The following GADL1 variants were observed in gnomAD, a reference collection of about 807,000 sequenced individuals.
GADL1 encodes acidic amino acid decarboxylase GADL1.
GADL1 carries 71 observed loss-of-function variants against 69.5 expected under a neutral mutation model. The ratio of observed to expected loss-of-function variants is 1.02; its 90% CI spans 0.84 to 1.25. The LOEUF (loss-of-function observed/expected upper bound fraction) is 1.25, where lower values mean the gene tolerates loss of function less well. Ranked by LOEUF, GADL1 falls within the 50% of genes most tolerant of loss-of-function variation. The pLI is 0.00. For synonymous variants in GADL1, 254 were observed against 214.4 expected (o/e 1.18, Z -1.62); for missense variants, 737 against 631.8 (o/e 1.17, Z -1.79).
intron 12 of GADL1, among the ~76,000 whole-genome samples, chr3:30,797,063 C>T (rs1258651878): frequency 2.0e-5 from 3 of 152,160 alleles, no homozygotes; most frequent in South Asian, 2.1e-4. Context: ...AGTATTATAA[C>T]GCAATCAGCT....
At position 30,786,366 on chromosome 3, in the gene GADL1, A is replaced by G; in HGVS notation, c.1291T>C (p.Leu431=). The change falls in exon 13 of 15, where the codon TTA becomes CTA. Residue 431 remains leucine (L), a synonymous_variant. Coordinates refer to ENST00000282538, the MANE Select transcript of GADL1 (RefSeq NM_207359.3). ...DEIKKREGFK[L]LMEPEYANIC... ...ATGCAATCACTTACTTCCATCAGTA[A>G]CTTGAATCCTTCTCTTTTCTTGATT... 6.4e-7 allele frequency: 1 copy of G among 1,561,578 alleles called. No individual in the cohort carries two copies. The highest frequency in any genetic ancestry group is 2.3e-5 in the East Asian group (1 of 44,394).
intron 1 of GADL1, among the ~76,000 whole-genome samples, chr3:30,868,522 G>A (rs1209144426): frequency 2.7e-5 from 4 of 150,454 alleles, no homozygotes; most frequent in Non-Finnish European, 4.4e-5. Flanking sequence ...TGTGTGATCC[G>A]TATTTCTTTT....
At chr3:30,757,712 A>C (rs963496880) in intron 14 of GADL1, among the ~76,000 whole-genome samples, 6 of 152,142 alleles carry the variant, frequency 3.9e-5, no homozygotes, top group East Asian at 3.9e-4. Flanking sequence ...CAGATTCACA[A>C]AATCACAAGA....
In GADL1 at chr3:30,846,869, C is replaced by T. The variant is rs534157843; in HGVS notation, c.652-2403G>A. Among the ~76,000 whole-genome samples, 8 of 152,234 alleles carry T rather than the reference C, an allele frequency of 5.3e-5. No homozygotes were observed. The South Asian group carries it at 1.7e-3, about 32-fold the overall frequency. The stretch of plus-strand genomic sequence containing the variant: ...CAATCAGGAGGAAGAGAAAGAGGCA[C>T]CTAGAGTGCAAAATTTAGAGGCATG... On this transcript the variant is annotated intron_variant, in intron 6 of 14. Transcript: ENST00000282538.
Position 30,786,423 on chromosome 3 carries a change from CAAT to C in GADL1, c.1251-20_1251-18del, listed in dbSNP as rs1447241709. The C allele has an allele frequency of 2.4e-6, 3 of 1,265,716 alleles. No individual in the cohort carries two copies. Among genetic ancestry groups the C allele is most frequent in the Non-Finnish European group, 3.5e-6 (3 of 868,004 alleles). The allele number at this position is 1,265,716 out of a possible 1,614,324, so 78.4% of individuals were successfully genotyped here. On this transcript the variant is annotated intron_variant, in intron 12 of 14. Coordinates refer to ENST00000282538, the MANE Select transcript of GADL1 (RefSeq NM_207359.3). ...ACTAGGTACCTAAAATTAAAAGTCA[CAAT>C]AATATTTATAATCTGCAATGTAAAA...
At chr3:30,878,592 A>G (rs529894749) in intron 1 of GADL1, among the ~76,000 whole-genome samples, 7 of 151,888 alleles carry the variant, frequency 4.6e-5, no homozygotes, top group Non-Finnish European at 8.8e-5. Context: ...TAACTTATCT[A>G]CTGAGACTTA....
At chr3:30,817,879 G>A (rs1697501503) in intron 11 of GADL1, among the ~76,000 whole-genome samples, 1 of 152,210 alleles carries the variant, frequency 6.6e-6, no homozygotes, top group Non-Finnish European at 1.5e-5. Flanking sequence ...AATGTACTGG[G>A]AAGACAGACA....
At chr3:30,773,687 C>T (rs764821397) in intron 14 of GADL1, among the ~76,000 whole-genome samples, 1 of 152,112 alleles carries the variant, frequency 6.6e-6, no homozygotes, top group Non-Finnish European at 1.5e-5. Flanking sequence ...ATTTAGCCAG[C>T]TCTTTATAGT....
chr3:30,779,332 C>G (rs539385003), intron 13 of GADL1, among the ~76,000 whole-genome samples: 3 of 152,316 alleles, frequency 2.0e-5, no homozygotes, highest in Admixed American at 6.5e-5. Flanking sequence ...CTGCCATAAA[C>G]AGTTTGTAAT....
intron 14 of GADL1, among the ~76,000 whole-genome samples, chr3:30,767,254 TA>T (rs1485132514): frequency 1.3e-5 from 2 of 152,178 alleles, no homozygotes; most frequent in African/African-American, 4.8e-5. Context: ...TAAGAATATT[TA>T]AAAGATGCCC....
intron 1 of GADL1, among the ~76,000 whole-genome samples, chr3:30,888,262 G>A (rs1389519179): frequency 6.6e-6 from 1 of 152,044 alleles, no homozygotes; most frequent in Non-Finnish European, 1.5e-5. Flanking sequence ...TCTGGGAATG[G>A]GGCACATAGA....
chr3:30,766,748 C>T (rs1257242031), intron 14 of GADL1, among the ~76,000 whole-genome samples: 3 of 149,732 alleles, frequency 2.0e-5, no homozygotes, highest in African/African-American at 7.3e-5. Context: ...AGCTAGACTG[C>T]AGGGGACATA....
chr3:30,805,896 C>T (rs1697245259), intron 11 of GADL1, among the ~76,000 whole-genome samples: 1 of 151,842 alleles, frequency 6.6e-6, no homozygotes, highest in Non-Finnish European at 1.5e-5. Context: ...TGACCTAGAT[C>T]CCTCTTACGC....
chr3:30,770,164 T>C (rs746286730), intron 14 of GADL1, among the ~76,000 whole-genome samples: 39 of 152,308 alleles, frequency 2.6e-4, no homozygotes, highest in African/African-American at 8.7e-4. Context: ...CCCTACTATG[T>C]TATGCTCAGG....
At chr3:30,800,840 CACACACACACAGAAAGAGAGAGAGAG>C in intron 12 of GADL1, 23 bp downstream of exon 12, 1 of 1,265,028 alleles carries the variant, frequency 7.9e-7, no homozygotes, top group South Asian at 1.3e-5. Context: ...CACACACACA[CACACACACACAGAAAGAGAGAGAGAG>C]AGAGAGAGAG....
intron 14 of GADL1, among the ~76,000 whole-genome samples, chr3:30,769,135 C>T (rs1303645111): frequency 6.6e-6 from 1 of 152,100 alleles, no homozygotes; most frequent in Non-Finnish European, 1.5e-5. Context: ...AAATTAAATT[C>T]AACTGCAAGC....
intron 14 of GADL1, among the ~76,000 whole-genome samples, chr3:30,767,045 A>G (rs1222107228): frequency 6.6e-6 from 1 of 152,244 alleles, no homozygotes; most frequent in African/African-American, 2.4e-5. Flanking sequence ...GCCAGGCACT[A>G]TTCTAAGCAC....
At chr3:30,861,799 T>A in intron 1 of GADL1, 34 bp from the exon 2 acceptor site, 3 of 1,445,500 alleles carry the variant, frequency 2.1e-6, no homozygotes, top group Non-Finnish European at 2.8e-6. Context: ...GTTTGAGAGA[T>A]AATCTAATTA....
intron 14 of GADL1, among the ~76,000 whole-genome samples, chr3:30,750,884 G>A (rs958674565): frequency 2.6e-5 from 4 of 151,852 alleles, no homozygotes; most frequent in Admixed American, 1.3e-4. Flanking sequence ...CTATAATAAA[G>A]CATTATACAT....
Sources: allele counts gnomAD v4.1 joint callset (sites outside exome capture counted in the v4.1 genomes callset), GRCh38; gene constraint gnomAD v4.1.1; transcripts MANE v1.5; gene names NCBI Gene and HGNC (gene_info 2026-07-23, HGNC 2026-07-21).